SERPINA1: variants seen among roughly 807,000 people sequenced by gnomAD.
The protein encoded by SERPINA1 is alpha-1-antitrypsin.
SERPINA1 carries 21 observed loss-of-function variants against 25.4 expected under a neutral mutation model. That is an observed-to-expected ratio of 0.83 (90% CI 0.59 to 1.19). The LOEUF (loss-of-function observed/expected upper bound fraction) is 1.19. SERPINA1 is among the 50% of genes most tolerant of loss of function. The pLI is 0.00. For missense variants in SERPINA1, 546 were observed against 509.0 expected, an observed-to-expected ratio of 1.07 and a Z score of -0.70; for synonymous variants, 218 against 211.1, an observed-to-expected ratio of 1.03 and a Z score of -0.29.
intron 3 of SERPINA1, chr14:94,380,563 G>T: frequency 2.2e-6 from 1 of 446,124 alleles, no homozygotes; most frequent in South Asian, 2.4e-5. Flanking sequence ...ACGTGTGGTG[G>T]TGCTGCTGTC....
intron 1 of SERPINA1, among the ~76,000 whole-genome samples, chr14:94,384,627 C>T (rs1343895576): frequency 6.6e-6 from 1 of 152,186 alleles, no homozygotes; most frequent in Non-Finnish European, 1.5e-5. Flanking sequence ...GTAGAACCTG[C>T]CGTCTTCACA....
In SERPINA1 at chr14:94,378,520, A is replaced by G; in HGVS notation, c.1186T>C (p.Phe396Leu). 1 of 1,614,098 alleles carries G rather than the reference A, an allele frequency of 6.2e-7. No individual in the cohort carries two copies. Among genetic ancestry groups the G allele is most frequent in the Non-Finnish European group, 8.5e-7 (1 of 1,180,000 alleles). Residue 396 changes from phenylalanine to leucine, a missense_variant, in exon 5 of 5, where the codon TTC becomes CTC. Physicochemically the swap from Phe to Leu is conservative, Grantham distance 22. Transcript: ENST00000393087. ...PEVKFNKPFVFLMIEQNTKSP... is the reference protein window; with the variant it reads ...PEVKFNKPFVLLMIEQNTKSP... ...TTGGTATTTTGTTCAATCATTAAGA[A>G]GACAAAGGGTTTGTTGAACTTGACC...
chr14:94,378,100 G>A lies in SERPINA1; in HGVS notation c.*349C>T. 1 of 314,414 alleles carries A rather than the reference G, an allele frequency of 3.2e-6. No homozygotes were observed. Among genetic ancestry groups the A allele is most frequent in the Non-Finnish European group, 5.9e-6 (1 of 168,118 alleles). 19.5% of individuals were successfully genotyped at this position (314,414 alleles called of 1,614,324 possible). A position where few individuals can be genotyped will look rare whatever the true frequency, so the allele number is the denominator to read the frequency against. On this transcript the variant is annotated 3_prime_UTR_variant, in exon 5 of 5. Transcript: ENST00000393087. ...GAGCCTGGGGTCATGGCTGGTATCT[G>A]GTTCCTCCCCTGTGATTCCTTCTTG...
At chr14:94,378,729 TC>T in intron 4 of SERPINA1, 89 bp from the exon 5 acceptor site, 1 of 1,437,584 alleles carries the variant, frequency 7.0e-7, no homozygotes, top group Non-Finnish European at 9.6e-7. Flanking sequence ...AAGCGCTCAC[TC>T]CCCCTGGACG....
chr14:94,387,683 A>G (rs1339791667), intron 1 of SERPINA1, among the ~76,000 whole-genome samples: 1 of 152,140 alleles, frequency 6.6e-6, no homozygotes, highest in Non-Finnish European at 1.5e-5. Context: ...CAGTGACACT[A>G]GGGCCAGGTT....
At chr14:94,389,208 G>T (rs1035175681), upstream of SERPINA1, among the ~76,000 whole-genome samples, 2 of 152,200 alleles carry the variant, frequency 1.3e-5, no homozygotes, top group African/African-American at 2.4e-5. Context: ...GGGTAGAGGT[G>T]GGGAAGCACA....
At position 94,383,351 on chromosome 14, in the gene SERPINA1, G is replaced by A; in HGVS notation, c.-4-110C>T. The A allele has an allele frequency of 2.5e-6, 3 of 1,184,874 alleles. No individual in the cohort carries two copies. In the South Asian group the frequency reaches 4.0e-5, roughly 16 times the overall value. 73.4% of individuals were successfully genotyped at this position (1,184,874 alleles called of 1,614,324 possible). On this transcript the variant is annotated intron_variant, in intron 1 of 4. Transcript: ENST00000393087. ...TGCCTAGGGATTATTAAACCAGCCT[G>A]TGCCAAGTACTTGCCGACATCAGTA...
chr14:94,380,838 A>T (rs776339337), intron 3 of SERPINA1, 33 bp downstream of exon 3: 4 of 1,614,166 alleles, frequency 2.5e-6, no homozygotes, highest in Non-Finnish European at 3.4e-6. Context: ...AGGTGTGGGC[A>T]GCTTCTTGGT....
At chr14:94,382,480 A>G (rs1402884929) in intron 2 of SERPINA1, 112 bp downstream of exon 2, 1 of 1,251,654 alleles carries the variant, frequency 8.0e-7, no homozygotes, top group African/African-American at 1.5e-5. Context: ...CCACGCTGAA[A>G]AGCATTGCTA....
At chr14:94,387,043 G>C (rs1469818836) in intron 1 of SERPINA1, among the ~76,000 whole-genome samples, 1 of 152,224 alleles carries the variant, frequency 6.6e-6, no homozygotes, top group Non-Finnish European at 1.5e-5. Context: ...TTTTGTCTGG[G>C]ATTAAACAGA....
chr14:94,379,708 T>A, intron 3 of SERPINA1, 97 bp from the exon 4 acceptor site: 1 of 1,540,700 alleles, frequency 6.5e-7, no homozygotes, highest in South Asian at 1.1e-5. Flanking sequence ...TGATTATTTC[T>A]GCCACTTACT....
chr14:94,378,407 G>A lies in SERPINA1; in HGVS notation c.*42C>T. On this transcript the variant is annotated 3_prime_UTR_variant, in exon 5 of 5. Coordinates refer to ENST00000393087, the MANE Select transcript of SERPINA1 (RefSeq NM_000295.5). ...CCCTTCTTTAATGTCATCCAGGGAG[G>A]GGGCCAGGGATGGAGGGGAGGGGTT... The A allele has an allele frequency of 6.5e-7, 1 of 1,536,154 alleles. No homozygotes were observed. The highest frequency in any genetic ancestry group is 9.0e-7 in the Non-Finnish European group (1 of 1,108,896).
intron 1 of SERPINA1, among the ~76,000 whole-genome samples, chr14:94,383,882 G>C (rs931574516): frequency 2.0e-5 from 3 of 152,216 alleles, no homozygotes; most frequent in Admixed American, 2.0e-4. Flanking sequence ...AGCATGGAGG[G>C]GCTGTGATTA....
chr14:94,386,922 A>G (rs534283324), intron 1 of SERPINA1, among the ~76,000 whole-genome samples: 33 of 152,352 alleles, frequency 2.2e-4, no homozygotes, highest in African/African-American at 7.7e-4. Context: ...ATAAGGTGCA[A>G]ATTATTAGCC....
upstream of SERPINA1, among the ~76,000 whole-genome samples, chr14:94,390,173 G>C: frequency 6.6e-6 from 1 of 152,100 alleles, no homozygotes; most frequent in Non-Finnish European, 1.5e-5. Context: ...ACTGAGCTCA[G>C]ACTCCCCTCC....
chr14:94,380,566 C>T (rs1404944494), intron 3 of SERPINA1: 1 of 451,466 alleles, frequency 2.2e-6, no homozygotes, highest in Non-Finnish European at 4.1e-6. Context: ...TGTGGTGGTG[C>T]TGCTGTCCCT....
chr14:94,387,052 G>T (rs975715899), intron 1 of SERPINA1, among the ~76,000 whole-genome samples: 1 of 152,202 alleles, frequency 6.6e-6, no homozygotes, highest in Non-Finnish European at 1.5e-5. Flanking sequence ...GGATTAAACA[G>T]ATTTCACTCC....
In SERPINA1 at chr14:94,377,020, G is replaced by A. The variant is rs1416682879; in HGVS notation, c.*1429C>T. On this transcript the variant is annotated 3_prime_UTR_variant, in exon 5 of 5. Transcript: ENST00000393087. ...GTGGAGAGTGAAAGGCTGTCAGTGAGTAAGCTTAAGAGAACAGGAGACTTG... is the reference window on the plus strand; with the variant it reads ...GTGGAGAGTGAAAGGCTGTCAGTGAATAAGCTTAAGAGAACAGGAGACTTG... The A allele has an allele frequency of 1.3e-5, 2 of 152,228 alleles. No individual in the cohort carries two copies. The highest frequency in any genetic ancestry group is 2.9e-5 in the Non-Finnish European group (2 of 68,046). The allele number at this position is 152,228 out of a possible 1,614,324, so 9.4% of individuals were successfully genotyped here.
rs200936638 is a variant in SERPINA1, at chr14:94,383,232, C to T, written c.6G>A (p.Pro2=). The change falls in exon 2 of 5, where the codon CCG becomes CCA. Residue 2 remains proline (P), a synonymous_variant. Transcript: ENST00000393087. M[P]SSVSWGILLL... is the part of the protein sequence containing the mutation. ...GGAGGATGCCCCACGAGACAGAAGA[C>T]GGCATTGTCCTGCAAGACAGAGATG... 121 of 1,611,374 alleles carry T rather than the reference C, an allele frequency of 7.5e-5. No individual in the cohort carries two copies. Among genetic ancestry groups the T allele is most frequent in the Non-Finnish European group, 8.7e-5 (103 of 1,179,654 alleles).
Sources: gnomAD v4.1 joint callset for allele counts (sites outside exome capture counted in the v4.1 genomes callset) on GRCh38, gnomAD v4.1.1 for gene constraint, MANE v1.5 for transcripts, NCBI Gene and HGNC (gene_info 2026-07-23, HGNC 2026-07-21) for gene names.